The following EYS variants were observed in gnomAD, a reference collection of about 807,000 sequenced individuals.
The protein encoded by EYS is EGF-like photoreceptor maintenance factor.
In EYS, 250 loss-of-function variants were observed where a neutral mutation model predicts 282.1. The observed-to-expected ratio is 0.89, with a 90% confidence interval of 0.80 to 0.98. The LOEUF is 0.98. EYS is among the 50% of genes least tolerant of loss of function. The pLI is 0.00. For missense variants in EYS, 4,016 were observed against 3,709.0 expected (o/e 1.08, Z -2.15); for synonymous variants, 1,355 against 1,282.9 (o/e 1.06, Z -1.20).
intron 12 of EYS, among the ~76,000 whole-genome samples, chr6:65,102,722 C>T (rs1774929545): frequency 6.6e-6 from 1 of 151,168 alleles, no homozygotes; most frequent in Non-Finnish European, 1.5e-5. Flanking sequence ...TAAAACTCTG[C>T]TGGCATATCA....
rs1332110239 is a variant in EYS, at chr6:64,517,619, C to T, written c.5644+72604G>A. On this transcript the variant is annotated intron_variant, in intron 26 of 42. Transcript: ENST00000503581. ...AAAGTGGAGAGCTCAGTTAGGAATG[C>T]TTCCTTCCATTTATCTTGCCAAGGG... Among the ~76,000 whole-genome samples, 5 of 151,884 alleles carry T rather than the reference C, an allele frequency of 3.3e-5. No homozygotes were observed. The East Asian group carries it at 7.8e-4, about 24-fold the overall frequency.
chr6:65,344,717 G>A (rs1340961652), intron 9 of EYS, among the ~76,000 whole-genome samples: 2 of 151,460 alleles, frequency 1.3e-5, no homozygotes, highest in Non-Finnish European at 3.0e-5. Flanking sequence ...AAGGAATTAG[G>A]GGATGAGAGA....
chr6:64,332,741 G>A (rs1770693523), intron 29 of EYS, among the ~76,000 whole-genome samples: 1 of 152,170 alleles, frequency 6.6e-6, no homozygotes, highest in African/African-American at 2.4e-5. Context: ...ATCAAGCCCT[G>A]CTCTAGTCAC....
chr6:64,162,355 T>C (rs556614138), intron 31 of EYS, among the ~76,000 whole-genome samples: 1 of 152,278 alleles, frequency 6.6e-6, no homozygotes, highest in Admixed American at 6.5e-5. Context: ...CCACTACATT[T>C]CCATGTATCC....
chr6:64,593,155 C>T lies in EYS; in HGVS notation c.3839G>A (p.Arg1280Lys), dbSNP rs1582932346. 6.5e-7 allele frequency: 1 copy of T among 1,545,590 alleles called. No individual in the cohort carries two copies. ...VSSFPSIKAT[R>K]IPAIMDTYPV... ...GTAAGTGTCCATTATGGCTGGTATTCTAGTAGCCTTTATAGATGGAAAGCT... is the reference window on the plus strand; with the variant it reads ...GTAAGTGTCCATTATGGCTGGTATTTTAGTAGCCTTTATAGATGGAAAGCT... The change falls in exon 25 of 43, where the codon AGA becomes AAA. Residue 1280 changes from arginine to lysine, a missense_variant. Coordinates refer to ENST00000503581, the MANE Select transcript of EYS (RefSeq NM_001142800.2).
chr6:65,387,242 G>A (rs78701581), intron 7 of EYS, among the ~76,000 whole-genome samples: 1,619 of 152,018 alleles, frequency 0.011, 30 homozygotes, highest in African/African-American at 0.037. Context: ...TTAATGAGAA[G>A]TGTCAGGCAC....
intron 29 of EYS, among the ~76,000 whole-genome samples, chr6:64,363,277 T>C (rs571055190): frequency 1.3e-5 from 2 of 152,006 alleles, no homozygotes; most frequent in East Asian, 3.9e-4. Context: ...TTATAAACAA[T>C]TGCATAGGAT....
chr6:65,618,201 C>T (rs1258862365), intron 2 of EYS, among the ~76,000 whole-genome samples: 2 of 152,220 alleles, frequency 1.3e-5, no homozygotes, highest in South Asian at 4.1e-4. Flanking sequence ...TCTCCATATC[C>T]TCTCCAGCAC....
chr6:65,417,275 T>C (rs1472140650), intron 5 of EYS, among the ~76,000 whole-genome samples: 2 of 151,972 alleles, frequency 1.3e-5, no homozygotes, highest in Admixed American at 1.3e-4. Context: ...AATCAGAGAA[T>C]TAACCTCCAA....
Position 65,495,266 on chromosome 6 carries a change from T to C in EYS, c.145A>G (p.Ile49Val). ...YVVNWTLTEN[I>V]CLDFYRDCWF... is the part of the protein sequence containing the mutation. ...CAATCTCTGTAGAAGTCCAAGCAGA[T>C]GTTTTCTGTTAGTGTCCAATTTACC... The change falls in exon 4 of 43, where the codon ATC becomes GTC. Residue 49 changes from isoleucine to valine, a missense_variant. By Grantham distance (29) the Ile-to-Val change is conservative (BLOSUM62 3). Coordinates refer to ENST00000503581, the MANE Select transcript of EYS (RefSeq NM_001142800.2). 1 of 1,614,168 alleles carries C rather than the reference T, an allele frequency of 6.2e-7. No individual in the cohort carries two copies. Among genetic ancestry groups the C allele is most frequent in the Non-Finnish European group, 8.5e-7 (1 of 1,180,024 alleles).
At chr6:65,405,033 A>G (rs1766665941) in intron 6 of EYS, 141 bp downstream of exon 6, 1 of 580,144 alleles carries the variant, frequency 1.7e-6, no homozygotes, top group Non-Finnish European at 3.0e-6. Flanking sequence ...AAAAATTAAA[A>G]TAAGTAGACC....
intron 28 of EYS, among the ~76,000 whole-genome samples, chr6:64,433,350 T>C (rs1036053446): frequency 1.3e-5 from 2 of 152,012 alleles, no homozygotes; most frequent in Non-Finnish European, 2.9e-5. Context: ...GGTCAAAAAA[T>C]TTTAGCTGCA....
chr6:63,986,794 G>A (rs1767388243), intron 34 of EYS, among the ~76,000 whole-genome samples: 1 of 151,700 alleles, frequency 6.6e-6, no homozygotes, highest in Non-Finnish European at 1.5e-5. Flanking sequence ...AAGGGTAGGA[G>A]GAGGTAGGGG....
intron 36 of EYS, among the ~76,000 whole-genome samples, chr6:63,848,783 C>T (rs924452798): frequency 6.6e-6 from 1 of 152,140 alleles, no homozygotes. Flanking sequence ...GATCTAGATG[C>T]AGGAGTTAGT....
chr6:65,302,336 A>C (rs1366056563), intron 11 of EYS, among the ~76,000 whole-genome samples: 1 of 152,208 alleles, frequency 6.6e-6, no homozygotes, highest in African/African-American at 2.4e-5. Context: ...ATTGGAACTC[A>C]GTGAAGACAC....
At chr6:65,066,785 T>G (rs1051161660) in intron 12 of EYS, among the ~76,000 whole-genome samples, 14 of 152,294 alleles carry the variant, frequency 9.2e-5, no homozygotes, top group Admixed American at 5.2e-4. Flanking sequence ...GCAGTGAAAG[T>G]AATTAATTCA....
intron 12 of EYS, among the ~76,000 whole-genome samples, chr6:65,277,960 C>T (rs1393664265): frequency 1.3e-5 from 2 of 150,926 alleles, no homozygotes; most frequent in African/African-American, 4.9e-5. Flanking sequence ...TTCTATAACA[C>T]CTGGATAAGG....
intron 15 of EYS, among the ~76,000 whole-genome samples, chr6:64,943,155 A>T (rs1260731410): frequency 6.6e-6 from 1 of 152,084 alleles, no homozygotes; most frequent in East Asian, 1.9e-4. Context: ...TATGAAATTC[A>T]ACATCATGCT....
intron 33 of EYS, among the ~76,000 whole-genome samples, chr6:64,007,196 G>T (rs1768390185): frequency 6.6e-6 from 1 of 152,044 alleles, no homozygotes; most frequent in Non-Finnish European, 1.5e-5. Context: ...TCTGTTCAAG[G>T]ATTCAATTTT....
Sources: gnomAD v4.1 joint callset for allele counts (sites outside exome capture counted in the v4.1 genomes callset) on GRCh38, gnomAD v4.1.1 for gene constraint, MANE v1.5 for transcripts, NCBI Gene and HGNC (gene_info 2026-07-23, HGNC 2026-07-21) for gene names.